The following RAD51B variants were observed in gnomAD, a reference collection of about 807,000 sequenced individuals.
RAD51B encodes DNA repair protein RAD51 homolog 2.
A neutral mutation model predicts 42.2 loss-of-function variants in RAD51B; 38 were observed. The ratio of observed to expected loss-of-function variants is 0.90; its 90% CI spans 0.70 to 1.18. The LOEUF is 1.18. Ranked by LOEUF, RAD51B falls within the 50% of genes most tolerant of loss-of-function variation. RAD51B has a pLI of 0.00. For synonymous variants in RAD51B, 154 were observed against 145.2 expected, an observed-to-expected ratio of 1.06 and a Z score of -0.43; for missense variants, 373 against 400.7, an observed-to-expected ratio of 0.93 and a Z score of 0.59.
intron 7 of RAD51B, among the ~76,000 whole-genome samples, chr14:68,090,951 G>A (rs1209587611): frequency 2.7e-5 from 4 of 148,102 alleles, no homozygotes; most frequent in African/African-American, 1.0e-4. Context: ...AACATGCGGT[G>A]TTTGGTTTTT....
intron 7 of RAD51B, among the ~76,000 whole-genome samples, chr14:68,229,667 G>A (rs1291534571): frequency 6.6e-6 from 1 of 152,154 alleles, no homozygotes; most frequent in Non-Finnish European, 1.5e-5. Flanking sequence ...CCAGGCCTAG[G>A]TTCAGCTACA....
Position 68,378,604 on chromosome 14 carries a change from A to G in RAD51B, c.854-32820A>G, listed in dbSNP as rs541249463. On this transcript the variant is annotated intron_variant, in intron 8 of 10. Transcript: ENST00000471583. ...CTAGATTACTTATAATACCTCATAC[A>G]ATGTAAATGCTATTTAAATAGTTAT... is the stretch of plus-strand genomic sequence containing the variant. Among the ~76,000 whole-genome samples, 163 of 152,272 alleles carry G rather than the reference A, an allele frequency of 1.1e-3. 1 individual carries two copies. The highest frequency in any genetic ancestry group is 1.7e-3 in the Non-Finnish European group (115 of 68,014).
intron 10 of RAD51B, among the ~76,000 whole-genome samples, chr14:68,557,495 T>G (rs144227080): frequency 3.3e-5 from 5 of 152,390 alleles, no homozygotes; most frequent in African/African-American, 9.6e-5. Flanking sequence ...TGTCTGTAGA[T>G]GTAAATTTGT....
intron 11 of RAD51B, among the ~76,000 whole-genome samples, chr14:68,669,643 CACA>C (rs1205988200): frequency 6.6e-6 from 1 of 152,046 alleles, no homozygotes. Flanking sequence ...CACACACACA[CACA>C]CACACACACA....
At chr14:68,550,436 G>C (rs1182061909) in intron 10 of RAD51B, among the ~76,000 whole-genome samples, 15 of 152,210 alleles carry the variant, frequency 9.9e-5, no homozygotes, top group Admixed American at 9.2e-4. Flanking sequence ...TCAGGTATGG[G>C]ACATCCCCAG....
chr14:68,005,546 T>C (rs1356042995), intron 7 of RAD51B, among the ~76,000 whole-genome samples: 1 of 152,246 alleles, frequency 6.6e-6, no homozygotes, highest in African/African-American at 2.4e-5. Flanking sequence ...TTTATATTCT[T>C]ACCAGCAGTG....
intron 8 of RAD51B, among the ~76,000 whole-genome samples, chr14:68,324,011 G>C (rs2082203617): frequency 6.6e-6 from 1 of 152,192 alleles, no homozygotes; most frequent in African/African-American, 2.4e-5. Flanking sequence ...CAGTAGGAAA[G>C]AAGCTGAGAA....
chr14:67,979,679 C>A (rs2140268750), intron 7 of RAD51B, among the ~76,000 whole-genome samples: 2 of 152,192 alleles, frequency 1.3e-5, no homozygotes, highest in South Asian at 4.1e-4. Flanking sequence ...TTGAACCAAG[C>A]TTCTACTATT....
intron 7 of RAD51B, among the ~76,000 whole-genome samples, chr14:68,118,068 A>T (rs1379924835): frequency 6.6e-6 from 1 of 152,212 alleles, no homozygotes; most frequent in Non-Finnish European, 1.5e-5. Flanking sequence ...TCAGTTCTAT[A>T]ATTTAAAAAA....
intron 7 of RAD51B, among the ~76,000 whole-genome samples, chr14:68,143,969 A>G (rs1484525677): frequency 6.6e-6 from 1 of 151,008 alleles, no homozygotes; most frequent in African/African-American, 2.4e-5. Context: ...CTTCTACATT[A>G]CTCAGCCTTT....
At chr14:68,232,511 G>A (rs927740926) in intron 7 of RAD51B, among the ~76,000 whole-genome samples, 16 of 152,152 alleles carry the variant, frequency 1.1e-4, no homozygotes, top group African/African-American at 3.1e-4. Flanking sequence ...TTTAAGCCTC[G>A]CTGTACATAA....
intron 7 of RAD51B, among the ~76,000 whole-genome samples, chr14:68,167,219 C>T (rs189006882): frequency 6.6e-6 from 1 of 152,036 alleles, no homozygotes; most frequent in Admixed American, 6.6e-5. Flanking sequence ...CCTCTTATGA[C>T]CTCTGTTCTA....
In RAD51B at chr14:68,014,695, AAAATAAAT is replaced by A. The variant is rs199800534; in HGVS notation, c.756+127512_756+127519del. ...ATTTGTTTAAATTTAAGGATCAGTA[AAAATAAAT>A]AAATAAATAAATAAATAAATGTAGG... On this transcript the variant is annotated intron_variant, in intron 7 of 10. Transcript: ENST00000471583. 3.1e-4 allele frequency among the ~76,000 whole-genome samples: 46 copies of A among 150,506 alleles called. 1 individual carries two copies. The highest frequency in any genetic ancestry group is 1.9e-3 in the East Asian group (10 of 5,154).
chr14:68,413,404 A>C (rs949751285), intron 9 of RAD51B, among the ~76,000 whole-genome samples: 15 of 152,226 alleles, frequency 9.9e-5, no homozygotes, highest in African/African-American at 3.6e-4. Flanking sequence ...ATCTTAATTT[A>C]CAAAAGACAA....
At chr14:68,381,614 T>C (rs1207826299) in intron 8 of RAD51B, among the ~76,000 whole-genome samples, 1 of 152,112 alleles carries the variant, frequency 6.6e-6, no homozygotes, top group East Asian at 1.9e-4. Context: ...AGGCAGAGCT[T>C]GCAGTGAGCC....
intron 7 of RAD51B, among the ~76,000 whole-genome samples, chr14:68,152,254 T>G (rs1762713009): frequency 6.6e-6 from 1 of 152,192 alleles, no homozygotes; most frequent in African/African-American, 2.4e-5. Flanking sequence ...CAGAGTGTAA[T>G]CTTCCTCCCC....
At chr14:68,442,653 A>G (rs2085328059) in intron 9 of RAD51B, among the ~76,000 whole-genome samples, 1 of 151,666 alleles carries the variant, frequency 6.6e-6, no homozygotes, top group South Asian at 2.1e-4. Flanking sequence ...GTTGGCCAGC[A>G]TGGTCTCAAT....
chr14:68,349,972 A>T (rs374342808), intron 8 of RAD51B, among the ~76,000 whole-genome samples: 1 of 152,240 alleles, frequency 6.6e-6, no homozygotes, highest in African/African-American at 2.4e-5. Context: ...GTCAGCAAAA[A>T]AAGCATACAC....
intron 2 of RAD51B, among the ~76,000 whole-genome samples, chr14:67,823,960 G>A (rs980590472): frequency 7.9e-5 from 12 of 152,204 alleles, no homozygotes; most frequent in Non-Finnish European, 1.5e-4. Flanking sequence ...AAAAGCAAAA[G>A]AAATTAATAG....
Sources: gnomAD v4.1 joint callset for allele counts (sites outside exome capture counted in the v4.1 genomes callset) on GRCh38, gnomAD v4.1.1 for gene constraint, MANE v1.5 for transcripts, NCBI Gene and HGNC (gene_info 2026-07-23, HGNC 2026-07-21) for gene names.